The following PDZD2 variants were observed in gnomAD, a reference collection of about 807,000 sequenced individuals.
The protein encoded by PDZD2 is PDZ domain-containing protein 2.
PDZD2 carries 90 observed loss-of-function variants against 220.7 expected under a neutral mutation model. That is an observed-to-expected ratio of 0.41 (90% CI 0.34 to 0.49). The LOEUF (loss-of-function observed/expected upper bound fraction) is 0.49, where lower values mean the gene tolerates loss of function less well. Among genes scored for constraint, PDZD2 ranks in the 20% least tolerant of loss-of-function variants. The probability of loss-of-function intolerance (pLI) is 0.28; values close to 1 mark genes in which losing one functional copy is unlikely to be tolerated. For synonymous variants in PDZD2, 1,375 were observed against 1,450.5 expected, an observed-to-expected ratio of 0.95 and a Z score of 1.18; for missense variants, 3,174 against 3,608.5, an observed-to-expected ratio of 0.88 and a Z score of 3.08.
At chr5:31,989,271 G>C (rs759044560) in intron 3 of PDZD2, among the ~76,000 whole-genome samples, 1 of 152,100 alleles carries the variant, frequency 6.6e-6, no homozygotes, top group Non-Finnish European at 1.5e-5. Context: ...TCCCACTTAT[G>C]AGTGAGAACA....
intron 2 of PDZD2, chr5:31,822,460 C>A: frequency 2.5e-6 from 1 of 395,106 alleles, no homozygotes; most frequent in Non-Finnish European, 4.7e-6. Flanking sequence ...TTTTTTTTTC[C>A]CAAATCAATA....
chr5:31,782,327 A>T (rs1218998791), intron 1 of PDZD2, among the ~76,000 whole-genome samples: 1 of 152,216 alleles, frequency 6.6e-6, no homozygotes. Flanking sequence ...GCATACTTAT[A>T]TTAAAACATT....
At chr5:31,911,637 G>A (rs550895830) in intron 2 of PDZD2, among the ~76,000 whole-genome samples, 7 of 152,350 alleles carry the variant, frequency 4.6e-5, no homozygotes, top group South Asian at 4.1e-4. Context: ...ATGTGTTAAC[G>A]GTTGTTGGTT....
intron 2 of PDZD2, among the ~76,000 whole-genome samples, chr5:31,856,378 G>A (rs761548572): frequency 6.6e-6 from 1 of 152,122 alleles, no homozygotes; most frequent in Non-Finnish European, 1.5e-5. Flanking sequence ...CCTGTGTCAG[G>A]TCTTAAGGAA....
At chr5:32,046,847 A>G (rs560881460) in intron 7 of PDZD2, among the ~76,000 whole-genome samples, 1 of 152,286 alleles carries the variant, frequency 6.6e-6, no homozygotes, top group South Asian at 2.1e-4. Context: ...GTTCAAGACC[A>G]GCCTGGCCAA....
chr5:32,089,331 G>A lies in PDZD2; in HGVS notation c.5883G>A (p.Lys1961=), dbSNP rs1266690369. 1.2e-5 allele frequency: 19 copies of A among 1,614,110 alleles called. No homozygotes were observed. The South Asian group carries it at 2.0e-4, about 17-fold the overall frequency. ...CCCCCCAGTGTGTGCTGGAAAGCAA[G>A]CCACCTCTTGCCACCTCTGGGCCAC... ...PRSPQCVLES[K]PPLATSGPLK... Residue 1961 remains lysine (K), a synonymous_variant, in exon 20 of 25, where the codon AAG becomes AAA. Coordinates refer to ENST00000438447, the MANE Select transcript of PDZD2 (RefSeq NM_178140.4).
At chr5:31,751,082 A>C (rs1476356658) in intron 1 of PDZD2, among the ~76,000 whole-genome samples, 1 of 152,108 alleles carries the variant, frequency 6.6e-6, no homozygotes, top group African/African-American at 2.4e-5. Flanking sequence ...GTCTCTACTA[A>C]AAATACAAAA....
At chr5:31,777,642 T>C (rs1752777086) in intron 1 of PDZD2, among the ~76,000 whole-genome samples, 1 of 152,190 alleles carries the variant, frequency 6.6e-6, no homozygotes, top group African/African-American at 2.4e-5. Context: ...TATGCACCAA[T>C]CAGCACTCTG....
At chr5:31,974,186 G>T (rs546298471) in intron 2 of PDZD2, among the ~76,000 whole-genome samples, 39 of 152,166 alleles carry the variant, frequency 2.6e-4, no homozygotes, top group Middle Eastern at 3.4e-3. Context: ...TCACCATGTT[G>T]ACCGGGCTGG....
intron 1 of PDZD2, among the ~76,000 whole-genome samples, chr5:31,767,329 A>G (rs891941198): frequency 6.6e-6 from 1 of 151,260 alleles, no homozygotes; most frequent in Admixed American, 6.6e-5. Context: ...ACCACGCCCA[A>G]CCCCTTAAAC....
At chr5:31,707,385 GTGCT>G (rs1161097016) in intron 1 of PDZD2, among the ~76,000 whole-genome samples, 1 of 152,074 alleles carries the variant, frequency 6.6e-6, no homozygotes, top group Non-Finnish European at 1.5e-5. Flanking sequence ...AGAGAAACCA[GTGCT>G]TGCTCTCTTT....
intron 1 of PDZD2, among the ~76,000 whole-genome samples, chr5:31,732,828 A>G (rs1016977093): frequency 2.6e-5 from 4 of 152,154 alleles, no homozygotes; most frequent in African/African-American, 9.6e-5. Context: ...TCCTAGGTTC[A>G]AGCAATTCTC....
intron 1 of PDZD2, among the ~76,000 whole-genome samples, chr5:31,733,298 C>T (rs2150158092): frequency 6.6e-6 from 1 of 152,310 alleles, no homozygotes; most frequent in Non-Finnish European, 1.5e-5. Context: ...CCGTATTTAG[C>T]ATGCATCAAA....
chr5:32,092,390 T>A (rs1464141423), intron 20 of PDZD2, among the ~76,000 whole-genome samples: 2 of 150,880 alleles, frequency 1.3e-5, no homozygotes, highest in Non-Finnish European at 2.9e-5. Context: ...CTGGCCAATA[T>A]GGTGAAACCC....
intron 1 of PDZD2, among the ~76,000 whole-genome samples, chr5:31,664,463 C>G (rs1373007652): frequency 3.3e-5 from 5 of 150,932 alleles, no homozygotes; most frequent in Admixed American, 6.6e-5. Context: ...CACACACACA[C>G]ACACACACAC....
intron 1 of PDZD2, among the ~76,000 whole-genome samples, chr5:31,717,474 T>A (rs1748522078): frequency 6.6e-6 from 1 of 152,192 alleles, no homozygotes; most frequent in African/African-American, 2.4e-5. Flanking sequence ...CAGAGAAAGG[T>A]GCCAGTAGCT....
chr5:32,049,480 G>A (rs891470831), intron 8 of PDZD2, among the ~76,000 whole-genome samples: 2 of 152,180 alleles, frequency 1.3e-5, no homozygotes, highest in Admixed American at 6.5e-5. Context: ...AGCTGTAGAG[G>A]GTAGAGTTCT....
intron 2 of PDZD2, among the ~76,000 whole-genome samples, chr5:31,924,420 A>G (rs1744560245): frequency 6.6e-6 from 1 of 152,160 alleles, no homozygotes. Flanking sequence ...GGCCAATGTC[A>G]AGAGTAAGAA....
chr5:31,776,944 T>C (rs1752694902), intron 1 of PDZD2, among the ~76,000 whole-genome samples: 1 of 152,060 alleles, frequency 6.6e-6, no homozygotes, highest in Non-Finnish European at 1.5e-5. Context: ...GGTGACAACG[T>C]GCTGGCGGCC....
Sources: gnomAD v4.1 joint callset for allele counts (sites outside exome capture counted in the v4.1 genomes callset) on GRCh38, gnomAD v4.1.1 for gene constraint, MANE v1.5 for transcripts, NCBI Gene and HGNC (gene_info 2026-07-23, HGNC 2026-07-21) for gene names.